The following DNAAF1 variants were observed in gnomAD, a reference collection of about 807,000 sequenced individuals.
The protein encoded by DNAAF1 is dynein assembly factor 1, axonemal.
Under a neutral mutation model 71.1 loss-of-function variants are expected in DNAAF1, and 65 were observed. That is an observed-to-expected ratio of 0.91 (90% CI 0.75 to 1.12). DNAAF1 has a LOEUF of 1.12. DNAAF1 is among the 50% of genes most tolerant of loss of function. The probability of loss-of-function intolerance (pLI) is 0.00; values close to 1 mark genes in which losing one functional copy is unlikely to be tolerated. For synonymous variants in DNAAF1, 414 were observed against 354.6 expected, an observed-to-expected ratio of 1.17 and a Z score of -1.88; for missense variants, 1,178 against 899.8, an observed-to-expected ratio of 1.31 and a Z score of -3.96.
At chr16:84,167,234 T>G (rs541419774) in intron 7 of DNAAF1, among the ~76,000 whole-genome samples, 44 of 152,232 alleles carry the variant, frequency 2.9e-4, no homozygotes, top group African/African-American at 9.2e-4. Context: ...AACAGCAAGA[T>G]GAAGTGGAGC....
intron 9 of DNAAF1, 125 bp downstream of exon 9, chr16:84,172,500 T>C: frequency 6.6e-7 from 1 of 1,515,390 alleles, no homozygotes; most frequent in Non-Finnish European, 8.9e-7. Flanking sequence ...AGGCCTGGCA[T>C]TTCTGGGGCG....
Position 84,165,915 on chromosome 16 carries a change from G to C in DNAAF1, c.996G>C (p.Glu332Asp). ...EALAMIKQRA[E>D]ERKRQRESQE... ...TGGCCATGATCAAGCAGCGGGCAGA[G>C]GAGAGGAAAAGACAGAGAGAGAGTC... is the stretch of plus-strand genomic sequence containing the variant. The change falls in exon 7 of 12, where the codon GAG becomes GAC. Residue 332 changes from glutamate (E) to aspartate (D), a missense_variant. Transcript: ENST00000378553. 1 of 1,613,536 alleles carries C rather than the reference G, an allele frequency of 6.2e-7. No individual in the cohort carries two copies. Among genetic ancestry groups the C allele is most frequent in the Non-Finnish European group, 8.5e-7 (1 of 1,179,952 alleles).
At chr16:84,177,653 T>G in intron 11 of DNAAF1, 76 bp from the exon 12 acceptor site, 1 of 1,314,208 alleles carries the variant, frequency 7.6e-7, no homozygotes, top group Non-Finnish European at 1.1e-6. Flanking sequence ...TGGCCTGGAC[T>G]GAACCCCAAG....
At position 84,146,909 on chromosome 16, in the gene DNAAF1, A is replaced by G. The variant is rs34151313; in HGVS notation, c.124+1345A>G. ...AACCAGCTGATTTGTGTTCCAGGCA[A>G]CAAATATATCTTAAGCATCAACTGT... is the stretch of plus-strand genomic sequence containing the variant. On this transcript the variant is annotated intron_variant, in intron 1 of 11. Coordinates refer to ENST00000378553, the MANE Select transcript of DNAAF1 (RefSeq NM_178452.6). Among the ~76,000 whole-genome samples the G allele has an allele frequency of 1.6e-3, 241 of 152,350 alleles. 2 individuals carry two copies. The highest frequency in any genetic ancestry group is 7.0e-3 in the South Asian group (34 of 4,830).
At chr16:84,157,810 C>T (rs934591527) in intron 5 of DNAAF1, among the ~76,000 whole-genome samples, 4 of 152,180 alleles carry the variant, frequency 2.6e-5, no homozygotes, top group African/African-American at 9.7e-5. Context: ...AACTGCAGCA[C>T]ACGGTGAGAA....
intron 5 of DNAAF1, among the ~76,000 whole-genome samples, chr16:84,156,531 A>G (rs1297824088): frequency 6.6e-6 from 1 of 152,170 alleles, no homozygotes; most frequent in Non-Finnish European, 1.5e-5. Flanking sequence ...AAGATTCACT[A>G]GTGGGTTCAG....
chr16:84,156,870 T>TTTTTTTTTTA (rs2087461244), intron 5 of DNAAF1, among the ~76,000 whole-genome samples: 1 of 142,106 alleles, frequency 7.0e-6, no homozygotes, highest in African/African-American at 2.6e-5. Context: ...TTTTTTTTTT[T>TTTTTTTTTTA]GAGACAGGGT....
Position 84,164,897 on chromosome 16 carries a change from T to C in DNAAF1, c.864-886T>C, listed in dbSNP as rs181862786. ...CATTCCCACCTAGAACAAGTGAGCG[T>C]TGCCGGGACTCCACATCCTCATTAG... On this transcript the variant is annotated intron_variant, in intron 6 of 11. Coordinates refer to ENST00000378553, the MANE Select transcript of DNAAF1 (RefSeq NM_178452.6). Among the ~76,000 whole-genome samples the C allele has an allele frequency of 1.5e-3, 224 of 152,340 alleles. 2 individuals carry two copies. The highest frequency in any genetic ancestry group is 5.0e-3 in the African/African-American group (208 of 41,584).
chr16:84,158,786 G>A (rs528367263), intron 5 of DNAAF1: 12 of 152,624 alleles, frequency 7.9e-5, no homozygotes, highest in Admixed American at 5.2e-4. Flanking sequence ...CTGGAGTGCA[G>A]TGGCATAATC....
intron 6 of DNAAF1, among the ~76,000 whole-genome samples, chr16:84,164,702 A>G (rs1437219184): frequency 6.6e-6 from 1 of 152,242 alleles, no homozygotes; most frequent in Non-Finnish European, 1.5e-5. Context: ...GTTTTTGCCA[A>G]TTAGAATAAA....
Position 84,170,028 on chromosome 16 carries a change from T to A in DNAAF1, c.1200T>A (p.Pro400=). The part of the protein sequence containing the change: ...CPEKPSGEEP[P]VEAKREDGGP... ...AAAAGCCAAGTGGAGAGGAGCCGCCTGTGGAGGCTAAAAGAGAGGATGGAG... is the reference window on the plus strand; with the variant it reads ...AAAAGCCAAGTGGAGAGGAGCCGCCAGTGGAGGCTAAAAGAGAGGATGGAG... The change falls in exon 8 of 12, where the codon CCT becomes CCA. Residue 400 remains proline (P), a synonymous_variant. Coordinates refer to ENST00000378553, the MANE Select transcript of DNAAF1 (RefSeq NM_178452.6). 6.2e-7 allele frequency: 1 copy of A among 1,613,848 alleles called. No homozygotes were observed. Among genetic ancestry groups the A allele is most frequent in the Non-Finnish European group, 8.5e-7 (1 of 1,180,030 alleles).
chr16:84,173,718 G>A (rs536837273), intron 9 of DNAAF1: 5 of 178,478 alleles, frequency 2.8e-5, no homozygotes, highest in Non-Finnish European at 4.3e-5. Flanking sequence ...TTAGCTGGGC[G>A]TGGTGGCAGG....
At chr16:84,152,446 C>CA (rs1307296689) in intron 3 of DNAAF1, among the ~76,000 whole-genome samples, 1 of 150,846 alleles carries the variant, frequency 6.6e-6, no homozygotes, top group African/African-American at 2.4e-5. Flanking sequence ...AGTTTGAGAC[C>CA]AGTCTGGCCA....
chr16:84,160,169 C>A (rs913718584), intron 6 of DNAAF1, among the ~76,000 whole-genome samples: 5 of 152,138 alleles, frequency 3.3e-5, no homozygotes, highest in Non-Finnish European at 7.3e-5. Flanking sequence ...CATAACATAA[C>A]CATGAAAGGA....
Position 84,177,691 on chromosome 16 carries a change from T to C in DNAAF1, c.2066-38T>C, listed in dbSNP as rs1567573830. The stretch of plus-strand genomic sequence containing the variant: ...TGCCCCCCTGTCCTTGCAGTCACAG[T>C]GACAGGGAGAAAGCACAGGTCACCC... On this transcript the variant is annotated intron_variant, in intron 11 of 11. Transcript: ENST00000378553. 3.2e-6 allele frequency: 5 copies of C among 1,551,366 alleles called. No homozygotes were observed. In the South Asian group the frequency reaches 4.5e-5, roughly 14 times the overall value.
At chr16:84,145,859 C>T (rs2086876639) in intron 1 of DNAAF1, among the ~76,000 whole-genome samples, 1 of 151,818 alleles carries the variant, frequency 6.6e-6, no homozygotes, top group Non-Finnish European at 1.5e-5. Context: ...TTTGGGAGGC[C>T]GAGGCGGGCG....
At chr16:84,152,419 A>G (rs1426662745) in intron 3 of DNAAF1, among the ~76,000 whole-genome samples, 1 of 152,288 alleles carries the variant, frequency 6.6e-6, no homozygotes, top group East Asian at 1.9e-4. Context: ...GTGGGAGGCC[A>G]AGGCAGGCAG....
At position 84,169,973 on chromosome 16, in the gene DNAAF1, G is replaced by A. The variant is rs2088236560; in HGVS notation, c.1145G>A (p.Ser382Asn). The change falls in exon 8 of 12, where the codon AGC (serine) becomes AAC (asparagine). Residue 382 changes from serine to asparagine, a missense_variant. Coordinates refer to ENST00000378553, the MANE Select transcript of DNAAF1 (RefSeq NM_178452.6). ...RQKMELFVKESFEAKDELCPE... is the reference protein window; with the variant it reads ...RQKMELFVKENFEAKDELCPE... ...AAGATGGAGCTATTTGTTAAGGAAA[G>A]CTTTGAGGCCAAGGACGAGCTCTGC... 2 of 1,614,096 alleles carry A rather than the reference G, an allele frequency of 1.2e-6. No homozygotes were observed. The highest frequency in any genetic ancestry group is 1.7e-6 in the Non-Finnish European group (2 of 1,180,046).
At chr16:84,160,252 T>A (rs1224302819) in intron 6 of DNAAF1, among the ~76,000 whole-genome samples, 2 of 152,386 alleles carry the variant, frequency 1.3e-5, no homozygotes, top group Admixed American at 1.3e-4. Context: ...GGATAATTGA[T>A]GAAGTTGGGC....
Sources: gnomAD v4.1 joint callset for allele counts (sites outside exome capture counted in the v4.1 genomes callset) on GRCh38, gnomAD v4.1.1 for gene constraint, MANE v1.5 for transcripts, NCBI Gene and HGNC (gene_info 2026-07-23, HGNC 2026-07-21) for gene names.